Variants in CEP290 observed in about 807,000 individuals in gnomAD.
The protein encoded by CEP290 is centrosomal protein 290, also known as centrosomal protein of 290 kDa.
In CEP290, 317 loss-of-function variants were observed where a neutral mutation model predicts 344.9. The ratio of observed to expected loss-of-function variants is 0.92; its 90% CI spans 0.84 to 1.01. The LOEUF (loss-of-function observed/expected upper bound fraction) is 1.01. Among genes scored for constraint, CEP290 ranks in the 50% least tolerant of loss-of-function variants. The pLI is 0.00. For missense variants in CEP290, 2,754 were observed against 2,761.4 expected, an observed-to-expected ratio of 1.00 and a Z score of 0.06; for synonymous variants, 932 against 895.8, an observed-to-expected ratio of 1.04 and a Z score of -0.72.
chr12:88,109,170 A>G lies in CEP290; in HGVS notation c.2379T>C (p.Asn793=), dbSNP rs1320430157. 2 of 1,175,882 alleles carry G rather than the reference A, an allele frequency of 1.7e-6. No homozygotes were observed. The highest frequency in any genetic ancestry group is 1.2e-6 in the Non-Finnish European group (1 of 843,460). The allele number at this position is 1,175,882 out of a possible 1,614,324, so 72.8% of individuals were successfully genotyped here. A position where few individuals can be genotyped will look rare whatever the true frequency, so the allele number is the denominator to read the frequency against. The change falls in exon 23 of 54, where the codon AAT becomes AAC. Residue 793 remains asparagine (N), a synonymous_variant. Coordinates refer to ENST00000552810, the MANE Select transcript of CEP290 (RefSeq NM_025114.4). ...YLIHLLQELE[N]KEKKLKNLED... is the part of the protein sequence containing the mutation. ...CTAAATTCTTTAACTTTTTTTCTTT[A>G]TTTTCTAGTTCCTGAAAAGTGGTTT...
chr12:88,069,145 C>A (rs1288516740), intron 43 of CEP290, among the ~76,000 whole-genome samples: 1 of 152,118 alleles, frequency 6.6e-6, no homozygotes, highest in Admixed American at 6.6e-5. Context: ...ATCTATCCAA[C>A]CTTATTGTCC....
rs569673313 is a variant in CEP290, at chr12:88,049,228, ACT to A, written c.7394_7395del (p.Glu2465ValfsTer2). The A allele has an allele frequency of 3.1e-4, 492 of 1,604,266 alleles. 5 individuals are homozygous for A. The South Asian group carries it at 4.2e-3, about 14-fold the overall frequency. On this transcript the variant is annotated frameshift_variant, in exon 54 of 54. Coordinates refer to ENST00000552810, the MANE Select transcript of CEP290 (RefSeq NM_025114.4). LOFTEE classifies it high-confidence loss of function. ...ACAGGACTTTCTTCTTCATCTTCAA[ACT>A]CTTCAGAAGCAGCAACAGGGCTAGT... ...ELTSPVAASE[E>X]FEDEEESPVN...
Position 88,055,650 on chromosome 12 carries a change from G to A in CEP290, c.6886C>T (p.Leu2296Phe), listed in dbSNP as rs1441005709. The change falls in exon 50 of 54, where the codon CTT (leucine) becomes TTT (phenylalanine). Residue 2296 changes from leucine to phenylalanine, a missense_variant. By Grantham distance (22) the Leu-to-Phe change is conservative (BLOSUM62 0). Coordinates refer to ENST00000552810, the MANE Select transcript of CEP290 (RefSeq NM_025114.4). Reference protein sequence around the residue: ...IAKKNQSITDLKQLVKEATER... With the variant: ...IAKKNQSITDFKQLVKEATER... Reference sequence around the variant, plus strand: ...GTTGCTTCTTTTACAAGCTGTTTAAGGTCAGTAATGCTTTGATTTTTTTTG... The same window carrying A: ...GTTGCTTCTTTTACAAGCTGTTTAAAGTCAGTAATGCTTTGATTTTTTTTG... The A allele has an allele frequency of 6.4e-7, 1 of 1,566,528 alleles. No individual in the cohort carries two copies. Among genetic ancestry groups the A allele is most frequent in the Non-Finnish European group, 8.7e-7 (1 of 1,155,474 alleles).
intron 17 of CEP290, among the ~76,000 whole-genome samples, chr12:88,117,416 GT>G (rs1192158475): frequency 1.1e-4 from 17 of 152,220 alleles, no homozygotes; most frequent in African/African-American, 3.1e-4. Flanking sequence ...ATAAGCACCA[GT>G]TAAAAGACAT....
At chr12:88,077,119 C>T in intron 41 of CEP290, 103 bp downstream of exon 41, 1 of 1,076,998 alleles carries the variant, frequency 9.3e-7, no homozygotes, top group Non-Finnish European at 1.3e-6. Context: ...TTAATACAGC[C>T]AGGTCATCAA....
At chr12:88,077,985 A>G (rs1453708814) in intron 39 of CEP290, 67 bp from the exon 40 acceptor site, 1 of 686,068 alleles carries the variant, frequency 1.5e-6, no homozygotes, top group Non-Finnish European at 2.3e-6. Flanking sequence ...AAAGGAACAT[A>G]AAACAGAAAA....
chr12:88,082,447 C>T (rs894978265), intron 37 of CEP290, among the ~76,000 whole-genome samples: 2 of 152,134 alleles, frequency 1.3e-5, no homozygotes, highest in African/African-American at 2.4e-5. Flanking sequence ...AATCCCAGCA[C>T]TTTGGGAGGC....
At position 88,049,322 on chromosome 12, in the gene CEP290, T is replaced by G; in HGVS notation, c.7302A>C (p.Glu2434Asp). The change falls in exon 54 of 54, where the codon GAA (glutamate) becomes GAC (aspartate). Residue 2434 changes from glutamate to aspartate, a missense_variant. By Grantham distance (45) the Glu-to-Asp change is conservative (BLOSUM62 2). Coordinates refer to ENST00000552810, the MANE Select transcript of CEP290 (RefSeq NM_025114.4). ...CTTCTAAGAGAATATTCTTCTTCAC[T>G]TCTTCCTTGTAATTATACTTAAGAT... ...IEDLKYNYKE[E>D]VKKNILLEEK... The G allele has an allele frequency of 6.3e-7, 1 of 1,591,648 alleles. No individual in the cohort carries two copies. The highest frequency in any genetic ancestry group is 2.2e-5 in the East Asian group (1 of 44,598).
Position 88,073,474 on chromosome 12 carries a change from T to G in CEP290, c.5710-1548A>C, listed in dbSNP as rs113094140. On this transcript the variant is annotated intron_variant, in intron 41 of 53. Coordinates refer to ENST00000552810, the MANE Select transcript of CEP290 (RefSeq NM_025114.4). Reference sequence around the variant, plus strand: ...ATGAATATTCCTTTTATGTTCCCCCTATATATTTCATTTAGGACATTCATA... The same window carrying G: ...ATGAATATTCCTTTTATGTTCCCCCGATATATTTCATTTAGGACATTCATA... Among the ~76,000 whole-genome samples, 956 of 152,360 alleles carry G rather than the reference T, an allele frequency of 6.3e-3. 8 individuals carry two copies. Among genetic ancestry groups the G allele is most frequent in the Middle Eastern group, 0.014 (4 of 294 alleles).
intron 20 of CEP290, among the ~76,000 whole-genome samples, chr12:88,113,727 TC>T (rs952287446): frequency 5.3e-5 from 8 of 151,950 alleles, no homozygotes. Flanking sequence ...AATTCTCAAG[TC>T]CCTATATGGT....
intron 32 of CEP290, among the ~76,000 whole-genome samples, chr12:88,087,492 G>A (rs1362433272): frequency 1.3e-5 from 2 of 151,664 alleles, no homozygotes; most frequent in African/African-American, 2.4e-5. Flanking sequence ...AGGCCGAGGC[G>A]GGCGGATCAT....
At chr12:88,050,170 T>G in intron 53 of CEP290, 184 bp downstream of exon 53, 1 of 471,920 alleles carries the variant, frequency 2.1e-6, no homozygotes, top group Non-Finnish European at 3.7e-6. Flanking sequence ...ATGTTGAGTC[T>G]GAATTTTTTG....
At chr12:88,094,778 G>C (rs1292372589) in intron 27 of CEP290, among the ~76,000 whole-genome samples, 1 of 151,996 alleles carries the variant, frequency 6.6e-6, no homozygotes, top group South Asian at 2.1e-4. Flanking sequence ...GATGTGTTTA[G>C]GGTAGCCAAT....
intron 44 of CEP290, 43 bp from the exon 45 acceptor site, chr12:88,064,158 A>G (rs2034707037): frequency 6.9e-7 from 1 of 1,443,080 alleles, no homozygotes; most frequent in Admixed American, 2.5e-5. Context: ...AGTTTAATAA[A>G]TAAAAGCCAT....
intron 13 of CEP290, among the ~76,000 whole-genome samples, chr12:88,124,038 AC>A (rs1373025155): frequency 6.6e-6 from 1 of 151,974 alleles, no homozygotes; most frequent in Non-Finnish European, 1.5e-5. Flanking sequence ...AACCACCATC[AC>A]TTTTCTCCAG....
At chr12:88,110,638 G>C (rs191768988) in intron 22 of CEP290, among the ~76,000 whole-genome samples, 2,019 of 152,182 alleles carry the variant, frequency 0.013, 23 homozygotes, top group Non-Finnish European at 0.021. Flanking sequence ...AAACTCAGGA[G>C]GTGGAAGTTG....
chr12:88,049,487 AT>A (rs1469679880), intron 53 of CEP290, 73 bp from the exon 54 acceptor site: 3 of 799,510 alleles, frequency 3.8e-6, no homozygotes, highest in South Asian at 3.4e-5. Context: ...AGGAGATTTA[AT>A]TGTAAATATG....
At chr12:88,076,400 T>C (rs1015912901) in intron 41 of CEP290, among the ~76,000 whole-genome samples, 3 of 152,166 alleles carry the variant, frequency 2.0e-5, no homozygotes, top group Non-Finnish European at 4.4e-5. Context: ...ATTGAAATTA[T>C]TTTATAGACA....
chr12:88,082,552 G>GGT (rs2036271902), intron 37 of CEP290, among the ~76,000 whole-genome samples: 1 of 152,078 alleles, frequency 6.6e-6, no homozygotes, highest in African/African-American at 2.4e-5. Flanking sequence ...AAACTACCCA[G>GGT]GTGTGGTGGC....
Sources: gnomAD v4.1 joint callset for allele counts (sites outside exome capture counted in the v4.1 genomes callset) on GRCh38, gnomAD v4.1.1 for gene constraint, MANE v1.5 for transcripts, NCBI Gene and HGNC (gene_info 2026-07-23, HGNC 2026-07-21) for gene names.